The following SLC4A4 variants were observed in gnomAD, a reference collection of about 807,000 sequenced individuals.
SLC4A4 encodes solute carrier family 4 member 4, also known as electrogenic sodium bicarbonate cotransporter 1.
In SLC4A4, 27 loss-of-function variants were observed where a neutral mutation model predicts 111.5. That is an observed-to-expected ratio of 0.24 (90% confidence interval 0.18 to 0.33). SLC4A4 has a LOEUF of 0.33. Ranked by LOEUF, SLC4A4 falls within the 10% of genes least tolerant of loss-of-function variation. The pLI, the probability that SLC4A4 is intolerant of heterozygous loss-of-function variation, is 1.00. For synonymous variants in SLC4A4, 443 were observed against 463.4 expected, an observed-to-expected ratio of 0.96 and a Z score of 0.57; for missense variants, 909 against 1,315.5, an observed-to-expected ratio of 0.69 and a Z score of 4.78.
intron 1 of SLC4A4, among the ~76,000 whole-genome samples, chr4:71,218,701 T>G (rs745569189): frequency 6.6e-6 from 1 of 152,212 alleles, no homozygotes; most frequent in Non-Finnish European, 1.5e-5. Flanking sequence ...CTCAGTTTTA[T>G]CATCTGTAAA....
At chr4:71,065,665 T>G (rs1741499472) in intron 1 of SLC4A4, among the ~76,000 whole-genome samples, 1 of 152,162 alleles carries the variant, frequency 6.6e-6, no homozygotes, top group African/African-American at 2.4e-5. Context: ...TCTCTCTTGC[T>G]TCTGGGACTT....
chr4:71,516,188 C>T (rs187830868), intron 16 of SLC4A4, among the ~76,000 whole-genome samples: 1,763 of 132,248 alleles, frequency 0.013, 43 homozygotes, highest in African/African-American at 0.045. Flanking sequence ...CTCTGCCTCC[C>T]GGGTTCACGC....
In SLC4A4 at chr4:71,452,435, G is replaced by A. The variant is rs191871526; in HGVS notation, c.1323-1060G>A. On this transcript the variant is annotated intron_variant, in intron 11 of 25. Transcript: ENST00000264485. ...TTGCTAAACTAATTGAATGTCTGTA[G>A]TATGCCTGGTACCATGCATAGCCCT... Among the ~76,000 whole-genome samples, 7 of 152,040 alleles carry A rather than the reference G, an allele frequency of 4.6e-5. 1 individual carries two copies. Among genetic ancestry groups the A allele is most frequent in the Admixed American group, 3.9e-4 (6 of 15,268 alleles).
chr4:71,554,341 CAGA>C (rs1736283909), intron 20 of SLC4A4, among the ~76,000 whole-genome samples: 1 of 151,756 alleles, frequency 6.6e-6, no homozygotes, highest in Non-Finnish European at 1.5e-5. Context: ...GTTTTTCAAA[CAGA>C]AGACTTCCCA....
chr4:71,419,404 C>T (rs927577049), intron 7 of SLC4A4, among the ~76,000 whole-genome samples: 2 of 152,212 alleles, frequency 1.3e-5, no homozygotes, highest in Non-Finnish European at 2.9e-5. Flanking sequence ...CAATGGCAGG[C>T]GCCCCTCCCC....
chr4:71,562,204 C>G (rs2149255009), intron 23 of SLC4A4, among the ~76,000 whole-genome samples: 1 of 151,826 alleles, frequency 6.6e-6, no homozygotes, highest in Middle Eastern at 3.4e-3. Context: ...CCTCTTCATC[C>G]TACCCTTTCC....
rs372260565 is a variant in SLC4A4 at position 71,503,574 on chromosome 4, T to C, written c.2166+5882T>C. 5.3e-5 allele frequency among the ~76,000 whole-genome samples: 8 copies of C among 152,282 alleles called. No homozygotes were observed. The East Asian group carries it at 1.5e-3, about 29-fold the overall frequency. ...TAACTTTGGTCACGTTAAAATACTT[T>C]AGACTTTTTTGCTCCCTCCCACAAT... On this transcript the variant is annotated intron_variant, in intron 16 of 25. Transcript: ENST00000264485.
chr4:71,369,060 A>G (rs1731602807), intron 6 of SLC4A4, among the ~76,000 whole-genome samples: 1 of 152,002 alleles, frequency 6.6e-6, no homozygotes, highest in Non-Finnish European at 1.5e-5. Context: ...CCCGCTTGAG[A>G]ACTCAGTGCC....
intron 2 of SLC4A4, among the ~76,000 whole-genome samples, chr4:71,116,891 C>T (rs1256425855): frequency 6.7e-6 from 1 of 148,924 alleles, no homozygotes; most frequent in Admixed American, 6.7e-5. Context: ...TGCGGTGAGC[C>T]AAGACTGAGC....
At chr4:71,140,059 T>G (rs187187183) in intron 2 of SLC4A4, among the ~76,000 whole-genome samples, 1 of 152,204 alleles carries the variant, frequency 6.6e-6, no homozygotes, top group African/African-American at 2.4e-5. Flanking sequence ...TCCCTTTTCT[T>G]GGATTTTCTA....
chr4:71,219,425 A>G (rs778435793), intron 1 of SLC4A4, among the ~76,000 whole-genome samples: 18 of 152,320 alleles, frequency 1.2e-4, no homozygotes, highest in Non-Finnish European at 2.2e-4. Context: ...GTTGAGACCT[A>G]CTTTCAAAAT....
At chr4:71,534,472 G>C in intron 18 of SLC4A4, 84 bp downstream of exon 18, 1 of 1,341,996 alleles carries the variant, frequency 7.5e-7, no homozygotes. Flanking sequence ...AACCAAGGGA[G>C]CTTTGTTGGG....
intron 1 of SLC4A4, among the ~76,000 whole-genome samples, chr4:71,191,952 C>CT (rs1295927868): frequency 6.6e-6 from 1 of 151,834 alleles, no homozygotes; most frequent in Admixed American, 6.6e-5. Context: ...TCCTAGTATG[C>CT]TTTTTTGGGG....
At chr4:71,390,789 C>A (rs1037468563) in intron 6 of SLC4A4, among the ~76,000 whole-genome samples, 1 of 152,200 alleles carries the variant, frequency 6.6e-6, no homozygotes. Context: ...AAGTTTCCCT[C>A]TCAGAGGCAG....
intron 2 of SLC4A4, among the ~76,000 whole-genome samples, chr4:71,124,011 CAT>C (rs1308442972): frequency 2.0e-5 from 3 of 152,090 alleles, no homozygotes; most frequent in East Asian, 1.9e-4. Context: ...AGCTGAATCC[CAT>C]ATGTTTATGT....
rs74917796 is a variant in SLC4A4 at position 71,221,624 on chromosome 4, C to A, written c.-1-14952C>A. Among the ~76,000 whole-genome samples the A allele has an allele frequency of 5.8e-3, 882 of 152,300 alleles. 5 individuals are homozygous for A. Among genetic ancestry groups the A allele is most frequent in the Non-Finnish European group, 8.4e-3 (572 of 68,026 alleles). ...ACATATTAATCATCTGCTTTGGCAT[C>A]TTCTAGCACTACGTGTTGCCATCCC... On this transcript the variant is annotated intron_variant, in intron 1 of 25. Transcript: ENST00000264485.
chr4:71,082,956 G>A (rs940186471), intron 1 of SLC4A4, among the ~76,000 whole-genome samples: 3 of 151,648 alleles, frequency 2.0e-5, no homozygotes, highest in Non-Finnish European at 4.4e-5. Flanking sequence ...CAGGCTTAAG[G>A]AGTTCTTGTG....
intron 2 of SLC4A4, among the ~76,000 whole-genome samples, chr4:71,127,753 A>T (rs1743597312): frequency 6.6e-6 from 1 of 152,262 alleles, no homozygotes; most frequent in Non-Finnish European, 1.5e-5. Context: ...CTATGAACAT[A>T]CATATGTACA....
At chr4:71,398,530 A>T (rs1720052379) in intron 7 of SLC4A4, among the ~76,000 whole-genome samples, 1 of 152,190 alleles carries the variant, frequency 6.6e-6, no homozygotes, top group African/African-American at 2.4e-5. Context: ...AGAAAATTAT[A>T]TTTTAAGAAT....
Sources: gnomAD v4.1 joint callset for allele counts (sites outside exome capture counted in the v4.1 genomes callset) on GRCh38, gnomAD v4.1.1 for gene constraint, MANE v1.5 for transcripts, NCBI Gene and HGNC (gene_info 2026-07-23, HGNC 2026-07-21) for gene names.